Variants in UMAD1 observed in about 807,000 individuals in gnomAD.
The protein encoded by UMAD1 is UBAP1-MVB12-associated (UMA)-domain containing protein 1.
Under a neutral mutation model 6.1 loss-of-function variants are expected in UMAD1, and 8 were observed. That is an observed-to-expected ratio of 1.30 (90% CI 0.76 to 2.35). UMAD1 has a LOEUF of 2.35. Ranked by LOEUF, UMAD1 falls within the 30% of genes most tolerant of loss-of-function variation. UMAD1 has a pLI of 0.00. For missense variants in UMAD1, 130 were observed against 78.4 expected (o/e 1.66, Z -2.49); for synonymous variants, 56 against 31.4 (o/e 1.78, Z -2.61).
At chr7:7,804,930 G>A (rs1017556852) in intron 3 of UMAD1, among the ~76,000 whole-genome samples, 18 of 151,850 alleles carry the variant, frequency 1.2e-4, no homozygotes, top group South Asian at 4.2e-4. Flanking sequence ...GCAGTGAGCC[G>A]AGATCACACC....
chr7:7,855,719 C>A (rs1329989864), intron 3 of UMAD1, among the ~76,000 whole-genome samples: 1 of 152,208 alleles, frequency 6.6e-6, no homozygotes, highest in Non-Finnish European at 1.5e-5. Flanking sequence ...TTTGGCTTCT[C>A]ATTACTTATG....
chr7:7,840,085 G>T (rs764761941), intron 3 of UMAD1, among the ~76,000 whole-genome samples: 6 of 152,120 alleles, frequency 3.9e-5, no homozygotes, highest in African/African-American at 7.2e-5. Flanking sequence ...CCTAGACAGT[G>T]CAAAAATGGA....
At chr7:7,856,096 A>C (rs373447494) in intron 3 of UMAD1, among the ~76,000 whole-genome samples, 1 of 152,184 alleles carries the variant, frequency 6.6e-6, no homozygotes, top group African/African-American at 2.4e-5. Flanking sequence ...AGACTTTACT[A>C]CGTCTTCTAG....
rs577063974 is a variant in UMAD1 at position 7,830,532 on chromosome 7, T to C, written c.156+28789T>C. The stretch of plus-strand genomic sequence containing the variant: ...TTCGTTTCTTTTCTTTCTTTTAACA[T>C]GCGTGTTTTTCTTCTTTGCTCTGGG... On this transcript the variant is annotated intron_variant, in intron 3 of 3. Transcript: ENST00000682710. This position sits in a 1 kb window ranked among gnomAD's most constrained non-coding sequence, Gnocchi z 5.3. 2.6e-5 allele frequency among the ~76,000 whole-genome samples: 4 copies of C among 152,276 alleles called. No individual in the cohort carries two copies. Among genetic ancestry groups the C allele is most frequent in the East Asian group, 3.9e-4 (2 of 5,184 alleles).
chr7:7,826,235 TG>T (rs1293882115), intron 3 of UMAD1, among the ~76,000 whole-genome samples: 2 of 152,142 alleles, frequency 1.3e-5, no homozygotes, highest in Non-Finnish European at 2.9e-5. Context: ...TATCTAGAAA[TG>T]TCTCACGTTA....
At chr7:7,864,163 A>G (rs756908479) in intron 3 of UMAD1, among the ~76,000 whole-genome samples, 6 of 152,178 alleles carry the variant, frequency 3.9e-5, no homozygotes, top group Admixed American at 6.5e-5. Flanking sequence ...CTACAACTTT[A>G]AGCAAAACAA....
At chr7:7,817,761 A>G (rs192969097) in intron 3 of UMAD1, among the ~76,000 whole-genome samples, 2 of 152,294 alleles carry the variant, frequency 1.3e-5, no homozygotes, top group Non-Finnish European at 2.9e-5. Context: ...GTTCCTGACT[A>G]AAGACACATT....
At chr7:7,751,853 A>G (rs946426261) in intron 2 of UMAD1, among the ~76,000 whole-genome samples, 7 of 152,206 alleles carry the variant, frequency 4.6e-5, no homozygotes, top group African/African-American at 1.7e-4. Flanking sequence ...TTTAAGCATA[A>G]TTAGTTAAGA....
intron 1 of UMAD1, among the ~76,000 whole-genome samples, chr7:7,646,480 A>ATTT (rs35948027): frequency 6.4e-4 from 71 of 111,326 alleles, no homozygotes; most frequent in Middle Eastern, 5.0e-3. Flanking sequence ...CTTTCGCTGG[A>ATTT]TTTTTTTTTT....
intron 1 of UMAD1, among the ~76,000 whole-genome samples, chr7:7,667,861 T>A (rs1199058480): frequency 6.6e-6 from 1 of 152,228 alleles, no homozygotes; most frequent in Non-Finnish European, 1.5e-5. Context: ...GAATTTGGTT[T>A]AAGATTGTGC....
chr7:7,718,488 A>T (rs563355938), intron 2 of UMAD1: 3 of 152,230 alleles, frequency 2.0e-5, no homozygotes, highest in African/African-American at 7.2e-5. Flanking sequence ...AAAACTATGT[A>T]TCCAACAAAT....
At chr7:7,644,783 C>CG (rs1424271105) in intron 1 of UMAD1, among the ~76,000 whole-genome samples, 1 of 152,030 alleles carries the variant, frequency 6.6e-6, no homozygotes, top group Non-Finnish European at 1.5e-5. Context: ...GCTGTGTTCT[C>CG]GGGAATGTCT....
At chr7:7,751,377 A>G (rs1781675004) in intron 2 of UMAD1, among the ~76,000 whole-genome samples, 1 of 152,214 alleles carries the variant, frequency 6.6e-6, no homozygotes, top group Non-Finnish European at 1.5e-5. Context: ...AATGCAAACA[A>G]TGGATTGGTG....
At chr7:7,818,788 A>G (rs1783181590) in intron 3 of UMAD1, among the ~76,000 whole-genome samples, 1 of 152,200 alleles carries the variant, frequency 6.6e-6, no homozygotes. Flanking sequence ...AAGGCTGGAT[A>G]AAGAAAACAT....
intron 3 of UMAD1, among the ~76,000 whole-genome samples, chr7:7,826,438 G>C (rs998491604): frequency 6.6e-6 from 1 of 152,112 alleles, no homozygotes; most frequent in Admixed American, 6.6e-5. Context: ...TGGATCAACT[G>C]TCCACTTGAT....
At chr7:7,742,214 A>G in intron 2 of UMAD1, 2 of 683,412 alleles carry the variant, frequency 2.9e-6, no homozygotes, top group Non-Finnish European at 5.5e-6. Context: ...GAGCTTCTTC[A>G]CAGCCTGTTT....
At chr7:7,672,837 A>G (rs1293706895) in intron 1 of UMAD1, among the ~76,000 whole-genome samples, 3 of 152,200 alleles carry the variant, frequency 2.0e-5, no homozygotes, top group Non-Finnish European at 4.4e-5. Context: ...GAGTGTCTCA[A>G]TTAGGTAACC....
intron 2 of UMAD1, among the ~76,000 whole-genome samples, chr7:7,729,044 A>G (rs867558794): frequency 6.6e-6 from 1 of 152,218 alleles, no homozygotes; most frequent in African/African-American, 2.4e-5. Flanking sequence ...AGATTGAGTA[A>G]GGCTTCCATA....
chr7:7,694,056 C>G (rs192558768), intron 2 of UMAD1, among the ~76,000 whole-genome samples: 28 of 152,170 alleles, frequency 1.8e-4, no homozygotes, highest in African/African-American at 6.7e-4. Context: ...GACACTTGAA[C>G]AAGAGCAAAG....
Sources: gnomAD v4.1 joint callset for allele counts (sites outside exome capture counted in the v4.1 genomes callset) on GRCh38, gnomAD v4.1.1 for gene constraint, Gnocchi (gnomAD v3.1) non-coding constraint, MANE v1.5 for transcripts, NCBI Gene and HGNC (gene_info 2026-07-23, HGNC 2026-07-21) for gene names.